UCHL5: variants seen among roughly 807,000 people sequenced by gnomAD.
UCHL5 encodes ubiquitin carboxyl-terminal hydrolase isozyme L5.
UCHL5 carries 34 observed loss-of-function variants against 53.8 expected under a neutral mutation model. The ratio of observed to expected loss-of-function variants is 0.63; its 90% CI spans 0.48 to 0.84. The LOEUF (loss-of-function observed/expected upper bound fraction) is 0.84. UCHL5 is among the 40% of genes least tolerant of loss of function. The pLI, the probability that UCHL5 is intolerant of heterozygous loss-of-function variation, is 0.00. For synonymous variants in UCHL5, 111 were observed against 126.3 expected, an observed-to-expected ratio of 0.88 and a Z score of 0.81; for missense variants, 290 against 385.6, an observed-to-expected ratio of 0.75 and a Z score of 2.08.
intron 7 of UCHL5, among the ~76,000 whole-genome samples, chr1:193,026,337 A>G (rs1295292198): frequency 6.6e-6 from 1 of 152,164 alleles, no homozygotes; most frequent in African/African-American, 2.4e-5. Context: ...TCTGTGAAAG[A>G]CCATTTTGGG....
intron 3 of UCHL5, among the ~76,000 whole-genome samples, chr1:193,033,421 A>C (rs181030801): frequency 9.2e-5 from 14 of 152,178 alleles, no homozygotes; most frequent in African/African-American, 3.4e-4. Context: ...AGAAATACCT[A>C]ATGGAGACGA....
intron 9 of UCHL5, among the ~76,000 whole-genome samples, chr1:193,022,717 A>G (rs968789738): frequency 1.3e-5 from 2 of 151,928 alleles, no homozygotes; most frequent in African/African-American, 4.8e-5. Flanking sequence ...AACACCAAAT[A>G]GGTTAAAATT....
chr1:193,023,168 T>C, intron 8 of UCHL5, 132 bp from the exon 9 acceptor site: 1 of 633,728 alleles, frequency 1.6e-6, no homozygotes, highest in Non-Finnish European at 2.7e-6. Flanking sequence ...CATGCCCGCC[T>C]AACAGCAGCA....
At position 193,021,142 on chromosome 1, in the gene UCHL5, T is replaced by C. The variant is rs1362029840; in HGVS notation, c.897A>G (p.Leu299=). ...ACTGCTGGTGTTCTGCTAAAGTCTTTAACAATTCCATAATGAAAGGCAGAT... is the reference window on the plus strand; with the variant it reads ...ACTGCTGGTGTTCTGCTAAAGTCTTCAACAATTCCATAATGAAAGGCAGAT... ...HNYLPFIMEL[L]KTLAEHQQLI... is the part of the protein sequence containing the mutation. Residue 299 remains leucine, a synonymous_variant, in exon 10 of 11, where the codon TTA becomes TTG. Coordinates refer to ENST00000367454, the MANE Select transcript of UCHL5 (RefSeq NM_001199261.3). The C allele has an allele frequency of 1.2e-6, 2 of 1,610,868 alleles. No individual in the cohort carries two copies. The highest frequency in any genetic ancestry group is 8.5e-7 in the Non-Finnish European group (1 of 1,178,228).
intron 3 of UCHL5, among the ~76,000 whole-genome samples, chr1:193,038,754 G>A (rs764469997): frequency 2.6e-5 from 4 of 152,162 alleles, no homozygotes; most frequent in Non-Finnish European, 4.4e-5. Context: ...TCAGCACTTT[G>A]GGAGGCTGAG....
At chr1:193,026,628 G>A (rs188426978) in intron 7 of UCHL5, among the ~76,000 whole-genome samples, 86 of 151,658 alleles carry the variant, frequency 5.7e-4, no homozygotes, top group Admixed American at 2.6e-3. Context: ...GAACTAGACC[G>A]TTCATATATT....
chr1:193,024,034 T>A (rs1658166803), intron 7 of UCHL5, 88 bp from the exon 8 acceptor site: 1 of 940,904 alleles, frequency 1.1e-6, no homozygotes, highest in Non-Finnish European at 1.5e-6. Context: ...CCCCTCTTGA[T>A]TTTCTAGTAT....
chr1:193,057,377 G>A (rs1670951329), intron 1 of UCHL5: 2 of 156,994 alleles, frequency 1.3e-5, no homozygotes, highest in African/African-American at 2.4e-5. Context: ...ATGTATTTCT[G>A]CTCCCAAAGG....
chr1:193,013,223 A>G lies in UCHL5; in HGVS notation c.*3128T>C, dbSNP rs1327601024. 6.6e-6 allele frequency: 1 copy of G among 152,228 alleles called. No homozygotes were observed. The highest frequency in any genetic ancestry group is 2.4e-5 in the African/African-American group (1 of 41,462). The allele number at this position is 152,228 out of a possible 1,614,324, so 9.4% of individuals were successfully genotyped here. Reference sequence around the variant, plus strand: ...CAACAGTGAACTCCCTGACTGTTGCAAAAGTGAGCAGTTCCCTAGGTACAC... The same window carrying G: ...CAACAGTGAACTCCCTGACTGTTGCGAAAGTGAGCAGTTCCCTAGGTACAC... On this transcript the variant is annotated 3_prime_UTR_variant, in exon 11 of 11. Transcript: ENST00000367454.
In UCHL5 at chr1:193,013,367, G is replaced by C. The variant is rs1654431382; in HGVS notation, c.*2984C>G. The stretch of plus-strand genomic sequence containing the variant: ...GTTTCAAAACTCCCAATATAAATCT[G>C]CATTCCTCTTCAAATAGCTAGAGTG... On this transcript the variant is annotated 3_prime_UTR_variant, in exon 11 of 11. Coordinates refer to ENST00000367454, the MANE Select transcript of UCHL5 (RefSeq NM_001199261.3). 6.6e-6 allele frequency: 1 copy of C among 152,124 alleles called. No individual in the cohort carries two copies. Among genetic ancestry groups the C allele is most frequent in the Non-Finnish European group, 1.5e-5 (1 of 68,032 alleles). 9.4% of individuals were successfully genotyped at this position (152,124 alleles called of 1,614,324 possible). A position where few individuals can be genotyped will look rare whatever the true frequency, so the allele number is the denominator to read the frequency against.
rs1654760276 is a variant in UCHL5, at chr1:193,015,515, T to A, written c.*836A>T. 6.6e-6 allele frequency: 1 copy of A among 151,958 alleles called. No individual in the cohort carries two copies. The highest frequency in any genetic ancestry group is 1.5e-5 in the Non-Finnish European group (1 of 67,884). The allele number at this position is 151,958 out of a possible 1,614,324, so 9.4% of individuals were successfully genotyped here. A position where few individuals can be genotyped will look rare whatever the true frequency, so the allele number is the denominator to read the frequency against. The stretch of plus-strand genomic sequence containing the variant: ...TGTACGAAATTTATTCAAATTGGCA[T>A]AGAAAGACCCCCATCACCACTACCA... On this transcript the variant is annotated 3_prime_UTR_variant, in exon 11 of 11. Coordinates refer to ENST00000367454, the MANE Select transcript of UCHL5 (RefSeq NM_001199261.3).
In UCHL5 at chr1:193,013,010, A is replaced by T. The variant is rs1458926028; in HGVS notation, c.*3341T>A. ...AATAACATGCATGTTTGACTGATCT[A>T]GGAATTCATACTACTCTAAAAAACG... On this transcript the variant is annotated 3_prime_UTR_variant, in exon 11 of 11. Transcript: ENST00000367454. The T allele has an allele frequency of 6.6e-6, 1 of 152,228 alleles. No homozygotes were observed. Among genetic ancestry groups the T allele is most frequent in the Non-Finnish European group, 1.5e-5 (1 of 68,036 alleles). 9.4% of individuals were successfully genotyped at this position (152,228 alleles called of 1,614,324 possible).
intron 3 of UCHL5, among the ~76,000 whole-genome samples, chr1:193,041,281 A>T (rs905167097): frequency 2.6e-5 from 4 of 152,160 alleles, no homozygotes; most frequent in African/African-American, 4.8e-5. Context: ...GTATCAATAA[A>T]TTTTTTTTAA....
chr1:193,037,908 A>AG (rs1370350118), intron 3 of UCHL5, among the ~76,000 whole-genome samples: 2 of 151,652 alleles, frequency 1.3e-5, no homozygotes, highest in Non-Finnish European at 2.9e-5. Context: ...AAAAAAAAAA[A>AG]AAGGTCATTT....
chr1:193,033,695 A>G (rs1662343657), intron 3 of UCHL5, among the ~76,000 whole-genome samples: 1 of 152,158 alleles, frequency 6.6e-6, no homozygotes, highest in Admixed American at 6.5e-5. Flanking sequence ...TGTCCTGCTC[A>G]TGAAGACTCT....
chr1:193,044,423 G>C (rs1413881603), intron 3 of UCHL5, among the ~76,000 whole-genome samples: 1 of 152,050 alleles, frequency 6.6e-6, no homozygotes, highest in Non-Finnish European at 1.5e-5. Context: ...GAAATAACAA[G>C]ACTACAATAT....
chr1:193,020,321 TTTAAG>T (rs1287415637), intron 10 of UCHL5: 3 of 1,546,696 alleles, frequency 1.9e-6, no homozygotes, highest in African/African-American at 1.4e-5. Flanking sequence ...TATTCTCGTC[TTTAAG>T]TTAATGGTCC....
chr1:193,022,664 CA>C (rs1291548226), intron 9 of UCHL5, among the ~76,000 whole-genome samples: 200 of 53,980 alleles, frequency 3.7e-3, no homozygotes, highest in African/African-American at 6.9e-3. Context: ...AGACTCTGTC[CA>C]AAAAAAAAAA....
chr1:193,021,119 T>G lies in UCHL5; in HGVS notation c.920A>C (p.Gln307Pro). The G allele has an allele frequency of 6.2e-7, 1 of 1,608,584 alleles. No homozygotes were observed. The highest frequency in any genetic ancestry group is 8.5e-7 in the Non-Finnish European group (1 of 1,176,096). Reference protein sequence around the residue: ...ELLKTLAEHQQLIPLVEKAKE... With the variant: ...ELLKTLAEHQPLIPLVEKAKE... Reference sequence around the variant, plus strand: ...TACCTTTTCTACTAGTGGTATTAACTGCTGGTGTTCTGCTAAAGTCTTTAA... The same window carrying G: ...TACCTTTTCTACTAGTGGTATTAACGGCTGGTGTTCTGCTAAAGTCTTTAA... Residue 307 changes from glutamine (Q) to proline (P), a missense_variant, in exon 10 of 11, where the codon CAG becomes CCG. Transcript: ENST00000367454.
Sources: allele counts gnomAD v4.1 joint callset (sites outside exome capture counted in the v4.1 genomes callset), GRCh38; gene constraint gnomAD v4.1.1; transcripts MANE v1.5; gene names NCBI Gene and HGNC (gene_info 2026-07-23, HGNC 2026-07-21).